Variants in KCTD17 observed in about 807,000 individuals in gnomAD.
The protein encoded by KCTD17 is potassium channel tetramerization domain containing 17.
KCTD17 carries 20 observed loss-of-function variants against 41.5 expected under a neutral mutation model. That is an observed-to-expected ratio of 0.48 (90% confidence interval 0.34 to 0.70). The LOEUF is 0.70. Ranked by LOEUF, KCTD17 falls within the 30% of genes least tolerant of loss-of-function variation. The pLI is 0.01. For missense variants in KCTD17, 317 were observed against 427.2 expected, an observed-to-expected ratio of 0.74 and a Z score of 2.27; for synonymous variants, 156 against 173.8, an observed-to-expected ratio of 0.90 and a Z score of 0.80.
At chr22:37,056,537 G>T in intron 3 of KCTD17, 126 bp downstream of exon 3, 1 of 750,864 alleles carries the variant, frequency 1.3e-6, no homozygotes, top group South Asian at 1.8e-5. Flanking sequence ...GGGAGGCCGA[G>T]CTGGCCTGTA....
intron 3 of KCTD17, among the ~76,000 whole-genome samples, chr22:37,057,079 G>A (rs1925212451): frequency 6.6e-6 from 1 of 152,116 alleles, no homozygotes; most frequent in Non-Finnish European, 1.5e-5. Context: ...GTTCTTTCTT[G>A]AATTACCCGT....
Position 37,062,780 on chromosome 22 carries a change from G to A in KCTD17, c.*186G>A. On this transcript the variant is annotated 3_prime_UTR_variant, in exon 9 of 9. Transcript: ENST00000403888. Reference sequence around the variant, plus strand: ...CCAGGACCTCTGGGCAGAGTGGACTGCTCATGGCAGATGTGTGGCAATGTC... The same window carrying A: ...CCAGGACCTCTGGGCAGAGTGGACTACTCATGGCAGATGTGTGGCAATGTC... 7.7e-7 allele frequency: 1 copy of A among 1,305,360 alleles called. No homozygotes were observed. Among genetic ancestry groups the A allele is most frequent in the Non-Finnish European group, 1.0e-6 (1 of 982,472 alleles). The allele number at this position is 1,305,360 out of a possible 1,614,324, so 80.9% of individuals were successfully genotyped here.
intron 3 of KCTD17, 137 bp from the exon 4 acceptor site, chr22:37,057,261 C>T: frequency 1.4e-6 from 1 of 732,240 alleles, no homozygotes; most frequent in Non-Finnish European, 2.5e-6. Context: ...TGGCTGCCTC[C>T]CCCCAACCAC....
chr22:37,060,802 G>T, intron 5 of KCTD17, 21 bp from the exon 6 acceptor site: 1 of 1,472,530 alleles, frequency 6.8e-7, no homozygotes, highest in Non-Finnish European at 9.0e-7. Flanking sequence ...TTCTTCCCTG[G>T]GTCCGCCGGC....
chr22:37,057,404 C>T lies in KCTD17; in HGVS notation c.397C>T (p.Pro133Ser), dbSNP rs374876906. The change falls in exon 4 of 9, where the codon CCC (proline) becomes TCC (serine). Residue 133 changes from proline (P) to serine (S), a missense_variant. This residue lies in a region of KCTD17 where 27 missense variants were observed against 24.0 expected (regional missense o/e 1.13). Coordinates refer to ENST00000403888, the MANE Select transcript of KCTD17 (RefSeq NM_001282684.2). The stretch of plus-strand genomic sequence containing the variant: ...GTGACCCTTCTGCCCACAGGTCCCA[C>T]CCAAGCACGTGTACCGCGTGCTGCA... ...EKDYTVTQVP[P>S]KHVYRVLQCQ... 4 of 1,613,590 alleles carry T rather than the reference C, an allele frequency of 2.5e-6. No individual in the cohort carries two copies. The highest frequency in any genetic ancestry group is 1.1e-5 in the South Asian group (1 of 91,070).
At position 37,051,775 on chromosome 22, in the gene KCTD17, C is replaced by T. The variant is rs1294117269; in HGVS notation, c.15C>T (p.Ala5=). ...CGCGGCCGGCGATGAGGATGGAGGC[C>T]GGGGAGGCAGCGCCGCCGGCGGGGG... MRME[A]GEAAPPAGAG... The change falls in exon 1 of 9, where the codon GCC becomes GCT. Residue 5 remains alanine, a synonymous_variant. Transcript: ENST00000403888. The T allele has an allele frequency of 4.8e-6, 6 of 1,245,698 alleles. No individual in the cohort carries two copies. Among genetic ancestry groups the T allele is most frequent in the Non-Finnish European group, 3.0e-6 (3 of 996,622 alleles). 77.2% of individuals were successfully genotyped at this position (1,245,698 alleles called of 1,614,324 possible). A position where few individuals can be genotyped will look rare whatever the true frequency, so the allele number is the denominator to read the frequency against.
At position 37,054,444 on chromosome 22, in the gene KCTD17, C is replaced by T. The variant is rs187134464; in HGVS notation, c.298+1236C>T. On this transcript the variant is annotated intron_variant, in intron 2 of 8. Transcript: ENST00000403888. The stretch of plus-strand genomic sequence containing the variant: ...CAGGGCTATCTGGGGGCTAGGAGAT[C>T]ACACAGGGCTATCCGGAGGCTAGGG... Among the ~76,000 whole-genome samples the T allele has an allele frequency of 2.1e-3, 318 of 151,568 alleles. 1 individual carries two copies. The highest frequency in any genetic ancestry group is 7.4e-3 in the African/African-American group (306 of 41,280).
Position 37,060,856 on chromosome 22 carries a change from CAGG to C in KCTD17, c.656_658del (p.Glu219del), listed in dbSNP as rs999304102. On this transcript the variant is annotated inframe_deletion, in exon 6 of 9. Transcript: ENST00000403888. ...GGAGCAGCTGGAGGAGCAGCAGCAG[CAGG>C]AGGAGGAGGTGGAGGAGGTGGAGGT... 6.6e-6 allele frequency: 10 copies of C among 1,525,340 alleles called. No homozygotes were observed. The African/African-American group carries it at 9.7e-5, about 15-fold the overall frequency. The allele number at this position is 1,525,340 out of a possible 1,614,324, so 94.5% of individuals were successfully genotyped here. A position where few individuals can be genotyped will look rare whatever the true frequency, so the allele number is the denominator to read the frequency against.
Position 37,061,077 on chromosome 22 carries a change from A to G in KCTD17, c.713-27A>G. On this transcript the variant is annotated intron_variant, in intron 6 of 8. Coordinates refer to ENST00000403888, the MANE Select transcript of KCTD17 (RefSeq NM_001282684.2). The surrounding 1 kb of genome is among the most constrained non-coding windows in gnomAD (Gnocchi z 6.6). ...TGCCTGGCGCCTCACCCGCATAACC[A>G]TCCCTTCTCTCACTTTCTCTTTGCA... is the stretch of plus-strand genomic sequence containing the variant. The G allele has an allele frequency of 6.4e-7, 1 of 1,551,268 alleles. No individual in the cohort carries two copies. The highest frequency in any genetic ancestry group is 1.7e-4 in the Middle Eastern group (1 of 5,992).
rs184018493 is a variant in KCTD17, at chr22:37,053,296, G to A, written c.298+88G>A. 3.0e-4 allele frequency: 300 copies of A among 986,332 alleles called. No homozygotes were observed. The highest frequency in any genetic ancestry group is 4.2e-4 in the Non-Finnish European group (266 of 640,714). The allele number at this position is 986,332 out of a possible 1,614,324, so 61.1% of individuals were successfully genotyped here. A position where few individuals can be genotyped will look rare whatever the true frequency, so the allele number is the denominator to read the frequency against. ...CCCAAGCCATTTGGACAACCAGGACGGCCATCTGCCTGCTTGGTTGTTTCC... is the reference window on the plus strand; with the variant it reads ...CCCAAGCCATTTGGACAACCAGGACAGCCATCTGCCTGCTTGGTTGTTTCC... On this transcript the variant is annotated intron_variant, in intron 2 of 8. Transcript: ENST00000403888. This position sits in a 1 kb window ranked among gnomAD's most constrained non-coding sequence, Gnocchi z 4.1.
intron 5 of KCTD17, among the ~76,000 whole-genome samples, chr22:37,060,101 C>T (rs1471103738): frequency 6.6e-6 from 1 of 152,318 alleles, no homozygotes; most frequent in South Asian, 2.1e-4. Flanking sequence ...GAGGGCTGAG[C>T]GGGGGTCCTG....
intron 2 of KCTD17, among the ~76,000 whole-genome samples, chr22:37,054,081 T>C (rs1924814058): frequency 6.6e-6 from 1 of 152,118 alleles, no homozygotes; most frequent in Non-Finnish European, 1.5e-5. Context: ...CTCTGGGCCA[T>C]GGTCTGCCCT....
Position 37,054,926 on chromosome 22 carries a change from CAT to C in KCTD17, c.299-1392_299-1391del, listed in dbSNP as rs151210069. 5 of 152,334 alleles carry C rather than the reference CAT, an allele frequency of 3.3e-5. No homozygotes were observed. The East Asian group carries it at 9.6e-4, about 29-fold the overall frequency. 9.4% of individuals were successfully genotyped at this position (152,334 alleles called of 1,614,324 possible). On this transcript the variant is annotated intron_variant, in intron 2 of 8. Coordinates refer to ENST00000403888, the MANE Select transcript of KCTD17 (RefSeq NM_001282684.2). The stretch of plus-strand genomic sequence containing the variant: ...ATTTCAGGCTGCAATCATGAAGTAA[CAT>C]AGATTGGGTGGCTTATGAAAATCAG...
chr22:37,062,219 G>A (rs953260670), intron 8 of KCTD17: 8 of 985,056 alleles, frequency 8.1e-6, no homozygotes, highest in African/African-American at 3.5e-5. Flanking sequence ...ACCCCCTTCA[G>A]AGTCTTGGCA....
chr22:37,059,617 C>T (rs1925544739), intron 5 of KCTD17, 179 bp downstream of exon 5: 1 of 738,770 alleles, frequency 1.4e-6, no homozygotes, highest in Admixed American at 2.9e-5. Flanking sequence ...TACCCAGGCC[C>T]AGGCTGGGAG....
At chr22:37,058,717 G>C (rs1186732828) in intron 4 of KCTD17, among the ~76,000 whole-genome samples, 2 of 152,222 alleles carry the variant, frequency 1.3e-5, no homozygotes, top group African/African-American at 4.8e-5. Flanking sequence ...TAGGGACCCT[G>C]GAACAAGGGC....
chr22:37,057,794 C>A (rs543558047), intron 4 of KCTD17, among the ~76,000 whole-genome samples: 2 of 152,290 alleles, frequency 1.3e-5, no homozygotes, highest in East Asian at 3.9e-4. Flanking sequence ...GAGTCTGTGG[C>A]CCCCGAAGGA....
chr22:37,062,017 G>A (rs1925857507), intron 8 of KCTD17: 5 of 985,352 alleles, frequency 5.1e-6, no homozygotes, highest in Non-Finnish European at 6.0e-6. Context: ...TTGCAGAGTG[G>A]CAGAAAAAGC....
At chr22:37,056,266 G>C in intron 2 of KCTD17, 54 bp from the exon 3 acceptor site, 1 of 1,498,930 alleles carries the variant, frequency 6.7e-7, no homozygotes, top group Non-Finnish European at 9.2e-7. Context: ...AACAAGAGGA[G>C]AATGGGGCAT....
Sources: gnomAD v4.1 joint callset for allele counts (sites outside exome capture counted in the v4.1 genomes callset) on GRCh38, gnomAD v4.1.1 for gene constraint, gnomAD v4.1.1 regional missense constraint, Gnocchi (gnomAD v3.1) non-coding constraint, MANE v1.5 for transcripts, NCBI Gene and HGNC (gene_info 2026-07-23, HGNC 2026-07-21) for gene names.